Variants in LCA5 observed in about 807,000 individuals in gnomAD.
LCA5 encodes the protein lebercilin.
Under a neutral mutation model 53.0 loss-of-function variants are expected in LCA5, and 37 were observed. The ratio of observed to expected loss-of-function variants is 0.70; its 90% CI spans 0.54 to 0.92. LCA5 has a LOEUF of 0.92. LCA5 is among the 40% of genes least tolerant of loss of function. LCA5 has a pLI of 0.00. For missense variants in LCA5, 806 were observed against 790.5 expected (o/e 1.02, Z -0.23); for synonymous variants, 303 against 282.9 (o/e 1.07, Z -0.71).
intron 2 of LCA5, among the ~76,000 whole-genome samples, chr6:79,515,391 G>A (rs1490715560): frequency 1.3e-5 from 2 of 152,004 alleles, no homozygotes; most frequent in Admixed American, 6.6e-5. Flanking sequence ...AATGTGAGAA[G>A]ATGAAAACAA....
In LCA5 at chr6:79,491,628, C is replaced by T; in HGVS notation, c.1058G>A (p.Cys353Tyr). The change falls in exon 6 of 8, where the codon TGT becomes TAT. Residue 353 changes from cysteine (C) to tyrosine (Y), a missense_variant. Coordinates refer to ENST00000369846, the MANE Select transcript of LCA5 (RefSeq NM_001122769.3). Reference sequence around the variant, plus strand: ...TGGTTCTTCCCATTTGTTTTCGTAACACATAATTGTTTCTGGAGTTAAAGG... The same window carrying T: ...TGGTTCTTCCCATTTGTTTTCGTAATACATAATTGTTTCTGGAGTTAAAGG... ...EYPLTPETIM[C>Y]YENKWEEPGH... The T allele has an allele frequency of 6.2e-7, 1 of 1,613,162 alleles. No homozygotes were observed. Among genetic ancestry groups the T allele is most frequent in the Non-Finnish European group, 8.5e-7 (1 of 1,179,274 alleles).
At chr6:79,538,715 A>G (rs1767229373), upstream of LCA5, among the ~76,000 whole-genome samples, 1 of 152,216 alleles carries the variant, frequency 6.6e-6, no homozygotes, top group East Asian at 1.9e-4. Flanking sequence ...ACGTGGACAA[A>G]TGTCTGTCAC....
At chr6:79,533,746 A>C (rs1236155437) in intron 1 of LCA5, among the ~76,000 whole-genome samples, 1 of 151,854 alleles carries the variant, frequency 6.6e-6, no homozygotes, top group East Asian at 1.9e-4. Flanking sequence ...ATTGTATATA[A>C]ATATCATAAT....
chr6:79,526,480 G>C (rs994788757), intron 1 of LCA5, among the ~76,000 whole-genome samples: 29 of 152,098 alleles, frequency 1.9e-4, no homozygotes, highest in Admixed American at 4.6e-4. Flanking sequence ...GGAGGCAGAG[G>C]TTGCAGTGAG....
upstream of LCA5, among the ~76,000 whole-genome samples, chr6:79,537,615 C>G (rs995538586): frequency 6.6e-5 from 10 of 152,192 alleles, no homozygotes; most frequent in Non-Finnish European, 1.2e-4. Flanking sequence ...GAAATTGGGG[C>G]AAAACGCGGA....
At chr6:79,489,761 T>C (rs1375606542) in intron 6 of LCA5, among the ~76,000 whole-genome samples, 1 of 152,112 alleles carries the variant, frequency 6.6e-6, no homozygotes, top group African/African-American at 2.4e-5. Context: ...AAAAGTGAAA[T>C]ATCTATTATT....
intron 1 of LCA5, among the ~76,000 whole-genome samples, chr6:79,522,829 C>A (rs747283687): frequency 2.0e-5 from 3 of 151,872 alleles, no homozygotes; most frequent in Non-Finnish European, 4.4e-5. Context: ...TACAGGCATG[C>A]GCCACCACGC....
At chr6:79,506,339 A>G (rs966411218) in intron 3 of LCA5, among the ~76,000 whole-genome samples, 8 of 152,176 alleles carry the variant, frequency 5.3e-5, no homozygotes, top group South Asian at 2.1e-4. Context: ...ATAATATCAC[A>G]TTTATGATCT....
At chr6:79,534,937 G>A (rs192983059) in intron 1 of LCA5, among the ~76,000 whole-genome samples, 26 of 152,236 alleles carry the variant, frequency 1.7e-4, no homozygotes, top group Admixed American at 1.7e-3. Flanking sequence ...TTCAGAATTG[G>A]CATATGCGGC....
chr6:79,492,611 A>AAT lies in LCA5; in HGVS notation c.893_894dup (p.Ser299IlefsTer18). The AAT allele has an allele frequency of 6.4e-7, 1 of 1,566,856 alleles. No individual in the cohort carries two copies. The highest frequency in any genetic ancestry group is 8.7e-7 in the Non-Finnish European group (1 of 1,143,244). ...GGAGAGGACTTTGGCAGACGATTAGAATATATATTTTTTATATCCAGTTCT... is the reference window on the plus strand; with the variant it reads ...GGAGAGGACTTTGGCAGACGATTAGAATATATATATTTTTTATATCCAGTTCT... On this transcript the variant is annotated frameshift_variant, in exon 5 of 8. Transcript: ENST00000369846. LOFTEE classifies it high-confidence loss of function.
chr6:79,535,622 T>C (rs548245815), intron 1 of LCA5, among the ~76,000 whole-genome samples: 2 of 152,248 alleles, frequency 1.3e-5, no homozygotes, highest in South Asian at 2.1e-4. Context: ...GGGTTCAATA[T>C]TGGACATACT....
chr6:79,527,527 C>A (rs2127687919), intron 1 of LCA5, among the ~76,000 whole-genome samples: 1 of 152,282 alleles, frequency 6.6e-6, no homozygotes, highest in East Asian at 1.9e-4. Context: ...AAATAAGTAT[C>A]TTTGCCCTGA....
intron 3 of LCA5, among the ~76,000 whole-genome samples, chr6:79,498,837 T>C (rs1770054092): frequency 6.6e-6 from 1 of 151,878 alleles, no homozygotes; most frequent in South Asian, 2.1e-4. Flanking sequence ...TCTAACAAAT[T>C]TTAAGAAACA....
chr6:79,530,853 T>C (rs1766937911), intron 1 of LCA5, among the ~76,000 whole-genome samples: 1 of 151,044 alleles, frequency 6.6e-6, no homozygotes, highest in Non-Finnish European at 1.5e-5. Context: ...ATAAGTTAAA[T>C]AAAAAAGAAA....
intron 1 of LCA5, among the ~76,000 whole-genome samples, chr6:79,523,935 A>C (rs1158162277): frequency 6.6e-6 from 1 of 152,232 alleles, no homozygotes; most frequent in African/African-American, 2.4e-5. Flanking sequence ...TTAAGTTAGC[A>C]ATTTTAGACT....
intron 1 of LCA5, among the ~76,000 whole-genome samples, chr6:79,531,279 T>C (rs1383837255): frequency 6.6e-6 from 1 of 152,202 alleles, no homozygotes; most frequent in African/African-American, 2.4e-5. Flanking sequence ...TGCTCCTTTT[T>C]AAAGCTAAAC....
At chr6:79,516,967 C>G (rs1011334567) in intron 2 of LCA5, among the ~76,000 whole-genome samples, 1 of 151,530 alleles carries the variant, frequency 6.6e-6, no homozygotes, top group Non-Finnish European at 1.5e-5. Context: ...TTTGATACTG[C>G]ATGAATTTTA....
intron 3 of LCA5, among the ~76,000 whole-genome samples, chr6:79,504,074 A>G (rs181731501): frequency 9.2e-5 from 14 of 152,288 alleles, no homozygotes; most frequent in African/African-American, 3.4e-4. Flanking sequence ...ACCACAAGAA[A>G]GGCCAATTTA....
intron 3 of LCA5, among the ~76,000 whole-genome samples, chr6:79,501,189 T>C (rs534921462): frequency 3.8e-4 from 58 of 152,280 alleles, no homozygotes; most frequent in African/African-American, 1.2e-3. Context: ...GACTAAACTT[T>C]ATCTTGCTTA....
Sources: allele counts gnomAD v4.1 joint callset (sites outside exome capture counted in the v4.1 genomes callset), GRCh38; gene constraint gnomAD v4.1.1; transcripts MANE v1.5; gene names NCBI Gene and HGNC (gene_info 2026-07-23, HGNC 2026-07-21).